Variants in DOCK2 observed in about 807,000 individuals in gnomAD.
The protein encoded by DOCK2 is dedicator of cytokinesis 2, also known as dedicator of cytokinesis protein 2.
A neutral mutation model predicts 248.9 loss-of-function variants in DOCK2; 87 were observed. The ratio of observed to expected loss-of-function variants is 0.35; its 90% CI spans 0.29 to 0.42. The LOEUF is 0.42. DOCK2 is among the 10% of genes least tolerant of loss of function. The probability of loss-of-function intolerance (pLI) is 1.00; values close to 1 mark genes in which losing one functional copy is unlikely to be tolerated. For missense variants in DOCK2, 1,747 were observed against 2,300.2 expected (o/e 0.76, Z 4.92); for synonymous variants, 805 against 821.6 (o/e 0.98, Z 0.35).
At chr5:169,718,046 T>C (rs372429000) in intron 21 of DOCK2, among the ~76,000 whole-genome samples, 19 of 146,042 alleles carry the variant, frequency 1.3e-4, no homozygotes, top group Middle Eastern at 3.4e-3. Flanking sequence ...TGGGTGACAG[T>C]AAGACTCATC....
chr5:169,775,008 A>G (rs1285664961), intron 25 of DOCK2, among the ~76,000 whole-genome samples: 1 of 152,112 alleles, frequency 6.6e-6, no homozygotes, highest in Non-Finnish European at 1.5e-5. Flanking sequence ...TCCCAGGTTC[A>G]AGCGATTCTC....
rs1003070889 is a variant in DOCK2, at chr5:169,764,193, T to C, written c.2554+2568T>C. On this transcript the variant is annotated intron_variant, in intron 25 of 51. Transcript: ENST00000520908. The surrounding 1 kb of genome is among the most constrained non-coding windows in gnomAD (Gnocchi z 4.3). ...GTGATTTGCTTTGAGCCTGCACTCA[T>C]TTAACTGCCAGATGTGCAAATTGCC... is the stretch of plus-strand genomic sequence containing the variant. 1.9e-4 allele frequency among the ~76,000 whole-genome samples: 29 copies of C among 152,228 alleles called. No individual in the cohort carries two copies. The highest frequency in any genetic ancestry group is 1.9e-3 in the Admixed American group (29 of 15,282).
intron 22 of DOCK2, among the ~76,000 whole-genome samples, chr5:169,743,296 C>T (rs1222505664): frequency 6.6e-6 from 1 of 152,130 alleles, no homozygotes; most frequent in Non-Finnish European, 1.5e-5. Flanking sequence ...TATAGCTGGG[C>T]ATTGGTGGCT....
In DOCK2 at chr5:169,704,789, G is replaced by GTGTGTGTA. The variant is rs1554091076; in HGVS notation, c.1383+2369_1383+2370insATGTGTGT. 3.3e-3 allele frequency among the ~76,000 whole-genome samples: 487 copies of GTGTGTGTA among 148,156 alleles called. 8 individuals are homozygous for GTGTGTGTA. The East Asian group carries it at 0.037, about 11-fold the overall frequency. On this transcript the variant is annotated intron_variant, in intron 14 of 51. Transcript: ENST00000520908. ...TGTGTGTGTGTGTGTGTGTGTGTGTGTGTGTGTGTGTGTGTGTATGTGTAT... is the reference window on the plus strand; with the variant it reads ...TGTGTGTGTGTGTGTGTGTGTGTGTGTGTGTGTATGTGTGTGTGTGTGTGTATGTGTAT...
intron 19 of DOCK2, 127 bp from the exon 20 acceptor site, chr5:169,716,086 C>T (rs1400172042): frequency 1.3e-5 from 11 of 822,548 alleles, no homozygotes; most frequent in Admixed American, 4.8e-5. Flanking sequence ...CTACTCTAGA[C>T]GTTTTGAGCA....
chr5:170,062,799 A>AAAATGG (rs1272966172), intron 44 of DOCK2, among the ~76,000 whole-genome samples: 1 of 152,032 alleles, frequency 6.6e-6, no homozygotes, highest in African/African-American at 2.4e-5. Flanking sequence ...GGGTCTTTTA[A>AAAATGG]AAATGGAATC....
At chr5:169,927,228 G>T (rs180868955) in intron 27 of DOCK2, among the ~76,000 whole-genome samples, 3 of 152,326 alleles carry the variant, frequency 2.0e-5, no homozygotes, top group Admixed American at 1.3e-4. Flanking sequence ...GAGAAGGGAA[G>T]CAGCTTCAGA....
At chr5:170,064,190 G>C (rs907498647) in intron 44 of DOCK2, among the ~76,000 whole-genome samples, 2 of 152,138 alleles carry the variant, frequency 1.3e-5, no homozygotes, top group African/African-American at 4.8e-5. Flanking sequence ...AGAGAGAGCT[G>C]TCTTATCTAA....
intron 9 of DOCK2, among the ~76,000 whole-genome samples, chr5:169,694,937 T>C (rs1324844882): frequency 1.3e-5 from 2 of 152,174 alleles, no homozygotes; most frequent in African/African-American, 2.4e-5. Context: ...ATCATGCTAC[T>C]GCCCTCTAGC....
intron 14 of DOCK2, among the ~76,000 whole-genome samples, chr5:169,703,547 T>C (rs913023491): frequency 1.3e-5 from 2 of 152,228 alleles, no homozygotes; most frequent in African/African-American, 4.8e-5. Context: ...CCAATTTATT[T>C]CTCATTTTAA....
At position 170,001,432 on chromosome 5, in the gene DOCK2, C is replaced by T. The variant is rs541870324; in HGVS notation, c.3072+5268C>T. On this transcript the variant is annotated intron_variant, in intron 30 of 51. Transcript: ENST00000520908. Reference sequence around the variant, plus strand: ...AAAGGACACTGAGAAAGGAGAAGAGCGATTTCAGCAGAAGAGCAGGGTGGT... The same window carrying T: ...AAAGGACACTGAGAAAGGAGAAGAGTGATTTCAGCAGAAGAGCAGGGTGGT... Among the ~76,000 whole-genome samples, 13 of 152,174 alleles carry T rather than the reference C, an allele frequency of 8.5e-5. 1 individual carries two copies. The South Asian group carries it at 2.5e-3, about 29-fold the overall frequency.
At chr5:169,813,116 G>A (rs1767859213) in intron 26 of DOCK2, among the ~76,000 whole-genome samples, 1 of 152,266 alleles carries the variant, frequency 6.6e-6, no homozygotes, top group African/African-American at 2.4e-5. Context: ...CCACTGTACA[G>A]GGCAGTGAGC....
At chr5:170,001,226 C>T (rs1186027251) in intron 30 of DOCK2, among the ~76,000 whole-genome samples, 2 of 152,158 alleles carry the variant, frequency 1.3e-5, no homozygotes, top group Non-Finnish European at 2.9e-5. Flanking sequence ...AGGCTGACTG[C>T]ATTTCAGCAC....
At chr5:169,950,072 A>G (rs1199711143) in intron 27 of DOCK2, among the ~76,000 whole-genome samples, 1 of 152,180 alleles carries the variant, frequency 6.6e-6, no homozygotes, top group South Asian at 2.1e-4. Context: ...CTTCTGAAGC[A>G]TGTTCAAGCC....
At chr5:169,978,747 A>C (rs1777828306) in intron 27 of DOCK2, among the ~76,000 whole-genome samples, 1 of 152,106 alleles carries the variant, frequency 6.6e-6, no homozygotes, top group Admixed American at 6.5e-5. Flanking sequence ...GGATCACTGA[A>C]GAGGGTTCTG....
chr5:169,883,225 C>G lies in DOCK2; in HGVS notation c.2799+42373C>G, dbSNP rs1040837640. On this transcript the variant is annotated intron_variant, in intron 27 of 51. Coordinates refer to ENST00000520908, the MANE Select transcript of DOCK2 (RefSeq NM_004946.3). ...TATGGAGTTACTTACTTCAGCTGAC[C>G]TGTCTGGGCTGAGAGCAGACTCTCT... is the stretch of plus-strand genomic sequence containing the variant. 1 of 1,551,620 alleles carries G rather than the reference C, an allele frequency of 6.4e-7. No individual in the cohort carries two copies. Among genetic ancestry groups the G allele is most frequent in the Non-Finnish European group, 8.7e-7 (1 of 1,146,948 alleles).
chr5:170,069,448 G>A (rs559065592), intron 46 of DOCK2, among the ~76,000 whole-genome samples: 1 of 152,324 alleles, frequency 6.6e-6, no homozygotes, highest in East Asian at 1.9e-4. Flanking sequence ...AGGCAGCAAT[G>A]CTATGCTGGA....
intron 27 of DOCK2, among the ~76,000 whole-genome samples, chr5:169,965,692 A>T (rs1227963027): frequency 6.6e-6 from 1 of 152,136 alleles, no homozygotes; most frequent in Non-Finnish European, 1.5e-5. Context: ...ACAAGAAAGG[A>T]AAGGAGAAGA....
chr5:169,690,489 A>G (rs1760232570), intron 9 of DOCK2, among the ~76,000 whole-genome samples: 1 of 152,190 alleles, frequency 6.6e-6, no homozygotes, highest in African/African-American at 2.4e-5. Flanking sequence ...TAGCTGATTA[A>G]TTTTGTTATT....
Sources: gnomAD v4.1 joint callset for allele counts (sites outside exome capture counted in the v4.1 genomes callset) on GRCh38, gnomAD v4.1.1 for gene constraint, Gnocchi (gnomAD v3.1) non-coding constraint, MANE v1.5 for transcripts, NCBI Gene and HGNC (gene_info 2026-07-23, HGNC 2026-07-21) for gene names.